Variants in ATAD5 observed in about 807,000 individuals in gnomAD.
ATAD5 encodes the protein ATPase family AAA domain-containing protein 5.
ATAD5 carries 58 observed loss-of-function variants against 176.9 expected under a neutral mutation model. The observed-to-expected ratio is 0.33, with a 90% CI of 0.27 to 0.41. The LOEUF is 0.41. ATAD5 is among the 10% of genes least tolerant of loss of function. The pLI, the probability that ATAD5 is intolerant of heterozygous loss-of-function variation, is 1.00. For synonymous variants in ATAD5, 640 were observed against 712.6 expected (o/e 0.90, Z 1.62); for missense variants, 1,789 against 2,094.1 (o/e 0.85, Z 2.84).
At chr17:30,870,254 C>A (rs1364261306) in intron 14 of ATAD5, among the ~76,000 whole-genome samples, 1 of 152,088 alleles carries the variant, frequency 6.6e-6, no homozygotes, top group Admixed American at 6.6e-5. Context: ...GTTCTCTTAA[C>A]TTTCTTTTAA....
Position 30,843,352 on chromosome 17 carries a change from A to C in ATAD5, c.2242-561A>C, listed in dbSNP as rs1463621051. ...GGGTGGCAGAGTGAGACCCTGTCACAATTTAAAAAAACACATGAGGCCAGG... is the reference window on the plus strand; with the variant it reads ...GGGTGGCAGAGTGAGACCCTGTCACCATTTAAAAAAACACATGAGGCCAGG... On this transcript the variant is annotated intron_variant, in intron 4 of 22. Transcript: ENST00000321990. Among the ~76,000 whole-genome samples, 4 of 150,848 alleles carry C rather than the reference A, an allele frequency of 2.7e-5. No homozygotes were observed. The East Asian group carries it at 7.9e-4, about 30-fold the overall frequency.
intron 18 of ATAD5, among the ~76,000 whole-genome samples, chr17:30,885,049 C>T (rs2142439722): frequency 6.6e-6 from 1 of 152,008 alleles, no homozygotes; most frequent in South Asian, 2.1e-4. Context: ...GCCCAGCTGC[C>T]TTTGCCTTAT....
At chr17:30,859,824 A>G (rs949325412) in intron 9 of ATAD5, among the ~76,000 whole-genome samples, 1 of 146,350 alleles carries the variant, frequency 6.8e-6, no homozygotes, top group African/African-American at 2.5e-5. Flanking sequence ...TCTAGGTTCC[A>G]CCGATTCTCC....
At chr17:30,894,451 C>G (rs1184496085) in intron 21 of ATAD5, 113 bp from the exon 22 acceptor site, 2 of 1,043,546 alleles carry the variant, frequency 1.9e-6, no homozygotes, top group Non-Finnish European at 2.7e-6. Flanking sequence ...GGAAATTAAT[C>G]TGGAAATGTC....
rs202066974 is a variant in ATAD5, at chr17:30,877,427, T to G, written c.3796T>G (p.Ser1266Ala). 5 of 1,504,302 alleles carry G rather than the reference T, an allele frequency of 3.3e-6. No individual in the cohort carries two copies. In the East Asian group the frequency reaches 1.1e-4, roughly 34 times the overall value. The allele number at this position is 1,504,302 out of a possible 1,614,324, so 93.2% of individuals were successfully genotyped here. A position where few individuals can be genotyped will look rare whatever the true frequency, so the allele number is the denominator to read the frequency against. Reference sequence around the variant, plus strand: ...TTGTATTTATGCAGGAATAAAAAATTCTTTTGAACAGAAACAAATTACTCA... The same window carrying G: ...TTGTATTTATGCAGGAATAAAAAATGCTTTTGAACAGAAACAAATTACTCA... ...LLENNKGIKN[S>A]FEQKQITQTK... Residue 1266 changes from serine to alanine, a missense_variant, in exon 16 of 23, where the codon TCT (serine) becomes GCT (alanine). By Grantham distance (99) the Ser-to-Ala change is moderately conservative. Coordinates refer to ENST00000321990, the MANE Select transcript of ATAD5 (RefSeq NM_024857.5).
intron 6 of ATAD5, among the ~76,000 whole-genome samples, chr17:30,848,590 G>A (rs1252599187): frequency 6.6e-6 from 1 of 152,056 alleles, no homozygotes; most frequent in Non-Finnish European, 1.5e-5. Context: ...GTATTTTGGT[G>A]AGCTTTGTCA....
rs757178407 is a variant in ATAD5, at chr17:30,832,333, C to A, written c.-15C>A. 2.7e-5 allele frequency: 41 copies of A among 1,539,504 alleles called. No individual in the cohort carries two copies. The highest frequency in any genetic ancestry group is 3.3e-5 in the Non-Finnish European group (38 of 1,140,934). On this transcript the variant is annotated 5_prime_UTR_variant, in exon 1 of 23. Coordinates refer to ENST00000321990, the MANE Select transcript of ATAD5 (RefSeq NM_024857.5). ...CGTGAGGTCCTAGGAGACGGGATTC[C>A]GGGAAGCGGGGAGTATGGTGGGGGT...
intron 18 of ATAD5, among the ~76,000 whole-genome samples, chr17:30,882,950 G>A (rs1044149973): frequency 1.3e-5 from 2 of 152,142 alleles, no homozygotes; most frequent in Admixed American, 1.3e-4. Context: ...TCTGTAATTA[G>A]ATAGTGGTAA....
At position 30,869,607 on chromosome 17, in the gene ATAD5, C is replaced by A. The variant is rs555978758; in HGVS notation, c.3568C>A (p.Pro1190Thr). The A allele has an allele frequency of 1.2e-6, 2 of 1,602,116 alleles. No homozygotes were observed. The highest frequency in any genetic ancestry group is 2.3e-5 in the South Asian group (2 of 87,764). The change falls in exon 14 of 23, where the codon CCC becomes ACC. Residue 1190 changes from proline (P) to threonine (T), a missense_variant. Coordinates refer to ENST00000321990, the MANE Select transcript of ATAD5 (RefSeq NM_024857.5). The stretch of plus-strand genomic sequence containing the variant: ...CAAACAAGGTGTAAACTCACAAAAA[C>A]CCTGTTTTTTTAATAGCTACTACAT... ...VDKQGVNSQK[P>T]CFFNSYYIGK...
intron 6 of ATAD5, 149 bp from the exon 7 acceptor site, chr17:30,854,994 A>C (rs1008377223): frequency 3.9e-5 from 26 of 673,072 alleles, no homozygotes; most frequent in Non-Finnish European, 5.4e-5. Context: ...CCTTGCCTTA[A>C]GTGATCCGCC....
intron 3 of ATAD5, among the ~76,000 whole-genome samples, 167 bp from the exon 4 acceptor site, chr17:30,840,450 G>A (rs1317906297): frequency 6.6e-6 from 1 of 152,022 alleles, no homozygotes; most frequent in East Asian, 1.9e-4. Context: ...AAGAAATAAA[G>A]GCAAACTAAT....
chr17:30,851,287 C>G (rs1906945546), intron 6 of ATAD5, among the ~76,000 whole-genome samples: 1 of 150,512 alleles, frequency 6.6e-6, no homozygotes, highest in East Asian at 2.1e-4. Context: ...ACGAGGTCAG[C>G]AGATCAAGAC....
intron 14 of ATAD5, among the ~76,000 whole-genome samples, chr17:30,870,704 C>T (rs1908286737): frequency 6.6e-6 from 1 of 152,072 alleles, no homozygotes; most frequent in Admixed American, 6.6e-5. Context: ...GTCCTAGCAA[C>T]CTTGACAGTT....
rs3764421 is a variant in ATAD5, at chr17:30,840,635, A to C, written c.2095A>C (p.Asn699His). The C allele has an allele frequency of 0.11, 177,832 of 1,546,964 alleles. 11,722 individuals carry two copies. The highest frequency in any genetic ancestry group is 0.25 in the South Asian group (19,284 of 77,916). The part of the protein sequence containing the change: ...QIRKASNTSK[N>H]ISKAKQLIEK... ...TGTTTAGGCAAGCAATACTTCAAAAAACATATCAAAAGCAAAACAATTGAT... is the reference window on the plus strand; with the variant it reads ...TGTTTAGGCAAGCAATACTTCAAAACACATATCAAAAGCAAAACAATTGAT... Residue 699 changes from asparagine (N) to histidine (H), a missense_variant, in exon 4 of 23, where the codon AAC (asparagine) becomes CAC (histidine). Asn to His is a moderately conservative substitution (Grantham distance 68). Transcript: ENST00000321990.
rs890084111 is a variant in ATAD5 at position 30,835,360 on chromosome 17, A to G, written c.1279A>G (p.Lys427Glu). 3 of 1,612,376 alleles carry G rather than the reference A, an allele frequency of 1.9e-6. No homozygotes were observed. The highest frequency in any genetic ancestry group is 1.7e-6 in the Non-Finnish European group (2 of 1,179,514). ...NGVKKSSDKQ[K>E]DLNEKCLYEV... is the part of the protein sequence containing the mutation. ...AGTTAAAAAGTCTTCTGATAAGCAG[A>G]AAGACCTTAATGAAAAATGTCTATA... The change falls in exon 2 of 23, where the codon AAA (lysine) becomes GAA (glutamate). Residue 427 changes from lysine (K) to glutamate (E), a missense_variant. Physicochemically the swap from Lys to Glu is moderately conservative, Grantham distance 56. This residue lies in a region of ATAD5 where 696 missense variants were observed against 712.5 expected (regional missense o/e 0.98). Transcript: ENST00000321990.
intron 19 of ATAD5, 36 bp downstream of exon 19, chr17:30,887,408 G>A: frequency 2.6e-6 from 4 of 1,542,792 alleles, no homozygotes; most frequent in Non-Finnish European, 3.5e-6. Context: ...TTTCTATTAT[G>A]GGACCCTATT....
Position 30,835,299 on chromosome 17 carries a change from A to G in ATAD5, c.1218A>G (p.Ala406=). ...AAGAAAGACAGCAATTTATGAAAGC[A>G]TTTAGGCAGCCAGCATCAGATGCAC... The part of the protein sequence containing the change: ...TLEERQQFMK[A]FRQPASDALK... Residue 406 remains alanine, a synonymous_variant, in exon 2 of 23, where the codon GCA becomes GCG. Transcript: ENST00000321990. 6.2e-7 allele frequency: 1 copy of G among 1,614,142 alleles called. No individual in the cohort carries two copies. Among genetic ancestry groups the G allele is most frequent in the Non-Finnish European group, 8.5e-7 (1 of 1,180,018 alleles).
At chr17:30,857,742 A>ATT (rs56075512) in intron 8 of ATAD5, among the ~76,000 whole-genome samples, 15 of 138,300 alleles carry the variant, frequency 1.1e-4, no homozygotes, top group African/African-American at 2.9e-4. Flanking sequence ...GACTAAAGCT[A>ATT]TTTTTTTTTT....
At chr17:30,889,989 C>T (rs1297491120) in intron 19 of ATAD5, among the ~76,000 whole-genome samples, 1 of 147,254 alleles carries the variant, frequency 6.8e-6, no homozygotes, top group South Asian at 2.1e-4. Context: ...CTCCTGGACT[C>T]GAGCCGTCTT....
Sources: allele counts gnomAD v4.1 joint callset (sites outside exome capture counted in the v4.1 genomes callset), GRCh38; gene constraint gnomAD v4.1.1; regional missense constraint gnomAD v4.1.1; transcripts MANE v1.5; gene names NCBI Gene and HGNC (gene_info 2026-07-23, HGNC 2026-07-21).